The following C2CD3 variants were observed in gnomAD, a reference collection of about 807,000 sequenced individuals.
The protein encoded by C2CD3 is C2 domain containing 3 centriole elongation regulator, also known as C2 domain-containing protein 3.
Under a neutral mutation model 234.0 loss-of-function variants are expected in C2CD3, and 148 were observed. The ratio of observed to expected loss-of-function variants is 0.63; its 90% CI spans 0.55 to 0.72. The LOEUF is 0.72. Among genes scored for constraint, C2CD3 ranks in the 30% least tolerant of loss-of-function variants. C2CD3 has a pLI of 0.00. For missense variants in C2CD3, 2,577 were observed against 2,811.5 expected (o/e 0.92, Z 1.89); for synonymous variants, 1,000 against 1,035.4 (o/e 0.97, Z 0.66).
Position 74,090,837 on chromosome 11 carries a change from G to A in C2CD3, c.3617C>T (p.Ala1206Val). ...CTTGGCTGCTGCTTGCAGACCACAG[G>A]CTCTGATAATCTGGACTGAGATGGA... ...TVSISVQIIR[A>V]CGLQAAAKAL... Residue 1206 changes from alanine (A) to valine (V), a missense_variant, in exon 20 of 33, where the codon GCC (alanine) becomes GTC (valine). Physicochemically the swap from Ala to Val is moderately conservative, Grantham distance 64 (BLOSUM62 0). Coordinates refer to ENST00000334126, the MANE Select transcript of C2CD3 (RefSeq NM_001286577.2). 1 of 1,614,118 alleles carries A rather than the reference G, an allele frequency of 6.2e-7. No individual in the cohort carries two copies. Among genetic ancestry groups the A allele is most frequent in the Non-Finnish European group, 8.5e-7 (1 of 1,179,990 alleles).
chr11:74,161,307 G>A (rs1435663174), intron 3 of C2CD3, 92 bp downstream of exon 3: 2 of 651,824 alleles, frequency 3.1e-6, no homozygotes, highest in African/African-American at 3.8e-5. Context: ...TGATATACAG[G>A]AGCCATGGAC....
At chr11:74,075,803 T>C (rs1204286862) in intron 23 of C2CD3, among the ~76,000 whole-genome samples, 1 of 152,218 alleles carries the variant, frequency 6.6e-6, no homozygotes. Flanking sequence ...GTTAAATCCT[T>C]ATCCTCAGGA....
In C2CD3 at chr11:74,030,149, C is replaced by T. The variant is rs1952466288; in HGVS notation, c.6810-1751G>A. Among the ~76,000 whole-genome samples the T allele has an allele frequency of 3.9e-5, 6 of 152,136 alleles. No homozygotes were observed. The South Asian group carries it at 1.2e-3, about 32-fold the overall frequency. On this transcript the variant is annotated intron_variant, in intron 31 of 32. Coordinates refer to ENST00000334126, the MANE Select transcript of C2CD3 (RefSeq NM_001286577.2). ...AAACAACCCCCTGACCTTGCATTGT[C>T]TTCTAGTTACCACCCAGCTCTCTGT... is the stretch of plus-strand genomic sequence containing the variant.
chr11:74,041,666 G>A (rs887206635), intron 29 of C2CD3, among the ~76,000 whole-genome samples: 9 of 152,166 alleles, frequency 5.9e-5, no homozygotes, highest in Admixed American at 1.3e-4. Flanking sequence ...TTCTCACAGC[G>A]ATTCTCTGGC....
intron 7 of C2CD3, among the ~76,000 whole-genome samples, chr11:74,127,864 T>C (rs1019012555): frequency 2.6e-5 from 4 of 151,912 alleles, no homozygotes; most frequent in African/African-American, 9.7e-5. Flanking sequence ...ATGTGTATAT[T>C]GGCTTTTTTT....
chr11:74,073,172 T>C (rs1954876714), intron 24 of C2CD3, among the ~76,000 whole-genome samples: 1 of 152,212 alleles, frequency 6.6e-6, no homozygotes, highest in African/African-American at 2.4e-5. Flanking sequence ...TTAAAATGCA[T>C]AATGTAAAAC....
chr11:74,088,614 A>T (rs1016453093), intron 20 of C2CD3, among the ~76,000 whole-genome samples: 2 of 152,232 alleles, frequency 1.3e-5, no homozygotes, highest in Non-Finnish European at 2.9e-5. Context: ...CCGACTTGTT[A>T]TCTGCCCTCT....
At position 74,161,486 on chromosome 11, in the gene C2CD3, A is replaced by G; in HGVS notation, c.396T>C (p.Asn132=). 1 of 1,602,170 alleles carries G rather than the reference A, an allele frequency of 6.2e-7. No homozygotes were observed. The highest frequency in any genetic ancestry group is 1.1e-5 in the South Asian group (1 of 89,688). Residue 132 remains asparagine (N), a synonymous_variant, in exon 3 of 33, where the codon AAT becomes AAC. Coordinates refer to ENST00000334126, the MANE Select transcript of C2CD3 (RefSeq NM_001286577.2). ...GGGTTGGAGAAAGTTGAGCTAGTCCATTGATCTGAACTCTACCAATTGGAA... is the reference window on the plus strand; with the variant it reads ...GGGTTGGAGAAAGTTGAGCTAGTCCGTTGATCTGAACTCTACCAATTGGAA... ...DGLPIGRVQI[N]GLAQLSPTHQ...
chr11:74,094,113 C>T, intron 17 of C2CD3, 114 bp from the exon 18 acceptor site: 1 of 789,948 alleles, frequency 1.3e-6, no homozygotes, highest in East Asian at 2.8e-5. Flanking sequence ...TTATGGTTCC[C>T]TAAGGTCCCA....
At chr11:74,056,879 C>T (rs911530849) in intron 25 of C2CD3, among the ~76,000 whole-genome samples, 2 of 150,466 alleles carry the variant, frequency 1.3e-5, no homozygotes, top group African/African-American at 4.9e-5. Context: ...CCAGCATCCC[C>T]TTCTTATTTC....
intron 24 of C2CD3, among the ~76,000 whole-genome samples, chr11:74,068,522 C>G (rs1371736856): frequency 6.6e-6 from 1 of 152,124 alleles, no homozygotes; most frequent in Non-Finnish European, 1.5e-5. Flanking sequence ...TACATACCCA[C>G]AGAAGATAGC....
At chr11:74,168,304 G>C in intron 2 of C2CD3, 40 bp downstream of exon 2, 1 of 1,532,644 alleles carries the variant, frequency 6.5e-7, no homozygotes, top group Non-Finnish European at 9.0e-7. Context: ...CACATGCTTT[G>C]TATTACGTCT....
At chr11:74,065,457 T>C (rs1338550703) in intron 24 of C2CD3, among the ~76,000 whole-genome samples, 3 of 152,214 alleles carry the variant, frequency 2.0e-5, no homozygotes, top group Non-Finnish European at 4.4e-5. Flanking sequence ...ACTTTTACAC[T>C]GTTGGTGGGA....
chr11:74,122,890 G>T (rs1957264645), intron 8 of C2CD3, 98 bp downstream of exon 8: 1 of 557,622 alleles, frequency 1.8e-6, no homozygotes, highest in Non-Finnish European at 2.8e-6. Context: ...ATTAAGTAAG[G>T]TAAGTTATGT....
In C2CD3 at chr11:74,133,495, G is replaced by A; in HGVS notation, c.1018C>T (p.Pro340Ser). 1.9e-6 allele frequency: 3 copies of A among 1,613,642 alleles called. No homozygotes were observed. The highest frequency in any genetic ancestry group is 2.5e-6 in the Non-Finnish European group (3 of 1,179,658). The change falls in exon 6 of 33, where the codon CCA (proline) becomes TCA (serine). Residue 340 changes from proline to serine, a missense_variant. Coordinates refer to ENST00000334126, the MANE Select transcript of C2CD3 (RefSeq NM_001286577.2). ...TGGTCCAACAACATGCTGGTCTCTG[G>A]GCTTGATTTCATTGCAGAAATCACC... Reference protein sequence around the residue: ...AMVISAMKSSPETSMLLDQVH... With the variant: ...AMVISAMKSSSETSMLLDQVH...
At chr11:74,104,910 A>C (rs1956452418) in intron 13 of C2CD3, among the ~76,000 whole-genome samples, 1 of 152,214 alleles carries the variant, frequency 6.6e-6, no homozygotes, top group Admixed American at 6.5e-5. Context: ...TCTGATTTTA[A>C]ACTTTGTAGT....
rs183535183 is a variant in C2CD3, at chr11:74,081,995, T to A, written c.4000+2886A>T. On this transcript the variant is annotated intron_variant, in intron 22 of 32. Coordinates refer to ENST00000334126, the MANE Select transcript of C2CD3 (RefSeq NM_001286577.2). ...TCCTTTATTTCTTTCTCTTGCCTGA[T>A]TGCCCTGGCCAGAACTTCCAACACT... Among the ~76,000 whole-genome samples the A allele has an allele frequency of 2.5e-3, 381 of 152,348 alleles. 1 individual carries two copies. The highest frequency in any genetic ancestry group is 8.9e-3 in the African/African-American group (369 of 41,580).
intron 7 of C2CD3, chr11:74,129,239 CG>C (rs1214725377): frequency 5.7e-6 from 1 of 175,196 alleles, no homozygotes; most frequent in African/African-American, 2.4e-5. Flanking sequence ...ACTTCCCAGA[CG>C]GGGTGGCTGC....
chr11:74,149,371 T>C (rs1417444324), intron 3 of C2CD3, among the ~76,000 whole-genome samples: 2 of 152,160 alleles, frequency 1.3e-5, no homozygotes, highest in African/African-American at 4.8e-5. Flanking sequence ...AAAAAAAATT[T>C]TTTTTTCTTT....
Sources: gnomAD v4.1 joint callset for allele counts (sites outside exome capture counted in the v4.1 genomes callset) on GRCh38, gnomAD v4.1.1 for gene constraint, MANE v1.5 for transcripts, NCBI Gene and HGNC (gene_info 2026-07-23, HGNC 2026-07-21) for gene names.